Variants in SGMS1 observed in about 807,000 individuals in gnomAD.
SGMS1 encodes sphingomyelin synthase 1, also known as phosphatidylcholine:ceramide cholinephosphotransferase 1.
In SGMS1, 13 loss-of-function variants were observed where a neutral mutation model predicts 46.2. That is an observed-to-expected ratio of 0.28 (90% CI 0.18 to 0.45). SGMS1 has a LOEUF of 0.45. Among genes scored for constraint, SGMS1 ranks in the 20% least tolerant of loss-of-function variants. SGMS1 has a pLI of 1.00. For synonymous variants in SGMS1, 203 were observed against 187.8 expected (o/e 1.08, Z -0.66); for missense variants, 324 against 519.9 (o/e 0.62, Z 3.66).
intron 2 of SGMS1, among the ~76,000 whole-genome samples, chr10:50,553,621 G>A (rs376521869): frequency 2.6e-5 from 4 of 152,160 alleles, no homozygotes; most frequent in South Asian, 4.2e-4. Flanking sequence ...CCTCAGCAAG[G>A]TAAGGCAGGT....
At chr10:50,538,667 G>A (rs1402090434) in intron 2 of SGMS1, among the ~76,000 whole-genome samples, 2 of 152,140 alleles carry the variant, frequency 1.3e-5, no homozygotes, top group African/African-American at 2.4e-5. Context: ...CACCAGAGGA[G>A]AGGGATGACA....
chr10:50,464,646 C>G (rs1187471397), intron 4 of SGMS1, among the ~76,000 whole-genome samples: 1 of 152,196 alleles, frequency 6.6e-6, no homozygotes, highest in Non-Finnish European at 1.5e-5. Flanking sequence ...GTTGGCCAGG[C>G]TGGTCTTGAA....
intron 6 of SGMS1, among the ~76,000 whole-genome samples, chr10:50,409,724 G>A (rs998284427): frequency 2.0e-5 from 3 of 152,128 alleles, no homozygotes; most frequent in South Asian, 2.1e-4. Flanking sequence ...ATATATCAAC[G>A]GGAATATAAG....
chr10:50,314,886 A>G (rs1847314734), intron 8 of SGMS1, among the ~76,000 whole-genome samples: 1 of 152,172 alleles, frequency 6.6e-6, no homozygotes, highest in Non-Finnish European at 1.5e-5. Flanking sequence ...ATACCGCTGC[A>G]CTTCAGCCTG....
intron 7 of SGMS1, chr10:50,334,981 C>T (rs1030919938): frequency 1.3e-5 from 2 of 152,052 alleles, no homozygotes; most frequent in Non-Finnish European, 2.9e-5. Context: ...TTGTGTGTGT[C>T]GGTGTTTGTT....
At chr10:50,458,947 T>C (rs1197412956) in intron 5 of SGMS1, among the ~76,000 whole-genome samples, 1 of 152,230 alleles carries the variant, frequency 6.6e-6, no homozygotes, top group Non-Finnish European at 1.5e-5. Flanking sequence ...ACTTCCTGGC[T>C]ATACACATTG....
chr10:50,542,306 T>C (rs1050064561), intron 2 of SGMS1, among the ~76,000 whole-genome samples: 2 of 152,138 alleles, frequency 1.3e-5, no homozygotes, highest in Admixed American at 6.5e-5. Flanking sequence ...TTTTTAAAAA[T>C]TCAAAAAAGA....
chr10:50,446,748 A>T (rs555150687), intron 5 of SGMS1, among the ~76,000 whole-genome samples: 1 of 152,352 alleles, frequency 6.6e-6, no homozygotes, highest in East Asian at 1.9e-4. Flanking sequence ...CTGGGATGGC[A>T]CACCTGACTG....
At chr10:50,545,073 C>T (rs1013212303) in intron 2 of SGMS1, among the ~76,000 whole-genome samples, 3 of 152,074 alleles carry the variant, frequency 2.0e-5, no homozygotes, top group African/African-American at 7.2e-5. Flanking sequence ...GAAATGAGGA[C>T]ACAGTAGCTT....
chr10:50,472,776 AT>A (rs1371212122), intron 3 of SGMS1: 5 of 152,046 alleles, frequency 3.3e-5, no homozygotes, highest in Non-Finnish European at 7.4e-5. Flanking sequence ...GATTGTATTA[AT>A]TTTCATTCCC....
intron 6 of SGMS1, among the ~76,000 whole-genome samples, chr10:50,397,609 G>A (rs906156906): frequency 6.6e-6 from 1 of 152,160 alleles, no homozygotes; most frequent in Non-Finnish European, 1.5e-5. Context: ...CTTTGCCTCT[G>A]TGCATCTGAG....
chr10:50,351,415 T>C (rs1848010204), intron 6 of SGMS1, among the ~76,000 whole-genome samples: 1 of 152,122 alleles, frequency 6.6e-6, no homozygotes, highest in Non-Finnish European at 1.5e-5. Flanking sequence ...GAAGGCATGA[T>C]TGGTTTTGAA....
At chr10:50,426,515 T>G (rs1849329036) in intron 6 of SGMS1, among the ~76,000 whole-genome samples, 1 of 152,248 alleles carries the variant, frequency 6.6e-6, no homozygotes, top group Non-Finnish European at 1.5e-5. Context: ...ACATGGCAGC[T>G]CTCTGAGTTC....
intron 5 of SGMS1, among the ~76,000 whole-genome samples, chr10:50,446,879 A>T (rs940534395): frequency 3.3e-5 from 5 of 152,226 alleles, no homozygotes; most frequent in Admixed American, 3.3e-4. Context: ...AATTTATTTG[A>T]ATGAGTTCTG....
chr10:50,586,634 T>C (rs191716136), intron 2 of SGMS1, among the ~76,000 whole-genome samples: 3 of 152,208 alleles, frequency 2.0e-5, no homozygotes, highest in African/African-American at 7.2e-5. Flanking sequence ...AGAAAACATG[T>C]GCCAGTAGGG....
chr10:50,519,089 CA>C (rs202209389), intron 3 of SGMS1, among the ~76,000 whole-genome samples: 2 of 147,296 alleles, frequency 1.4e-5, no homozygotes, highest in African/African-American at 2.5e-5. Context: ...CATAACAGGG[CA>C]AAAAAAAATG....
chr10:50,343,800 G>T lies in SGMS1; in HGVS notation c.315C>A (p.Asn105Lys). The T allele has an allele frequency of 1.2e-6, 2 of 1,614,170 alleles. No individual in the cohort carries two copies. Among genetic ancestry groups the T allele is most frequent in the Non-Finnish European group, 1.7e-6 (2 of 1,180,038 alleles). The change falls in exon 7 of 11, where the codon AAC (asparagine) becomes AAA (lysine). Residue 105 changes from asparagine (N) to lysine (K), a missense_variant. Physicochemically the swap from Asn to Lys is moderately conservative, Grantham distance 94. Transcript: ENST00000361781. ...DGSFSIKIKP[N>K]GMPNGYRKEM... The stretch of plus-strand genomic sequence containing the variant: ...CTTTCCTATACCCATTTGGCATCCC[G>T]TTGGGTTTAATCTTGATGCTGAAGC...
chr10:50,501,391 A>AT (rs1205784474), intron 3 of SGMS1, among the ~76,000 whole-genome samples: 7 of 152,226 alleles, frequency 4.6e-5, no homozygotes, highest in African/African-American at 1.4e-4. Context: ...TATTTTCTAC[A>AT]TTTTATATAA....
At chr10:50,596,493 T>C (rs1334697944) in intron 1 of SGMS1, among the ~76,000 whole-genome samples, 1 of 152,184 alleles carries the variant, frequency 6.6e-6, no homozygotes, top group Non-Finnish European at 1.5e-5. Context: ...TCTTTTTTAC[T>C]AATATGATAG....
Sources: gnomAD v4.1 joint callset for allele counts (sites outside exome capture counted in the v4.1 genomes callset) on GRCh38, gnomAD v4.1.1 for gene constraint, MANE v1.5 for transcripts, NCBI Gene and HGNC (gene_info 2026-07-23, HGNC 2026-07-21) for gene names.